Variants in COX10 observed in about 807,000 individuals in gnomAD.
COX10 encodes cytochrome c oxidase assembly factor heme A:farnesyltransferase COX10.
In COX10, 27 loss-of-function variants were observed where a neutral mutation model predicts 37.3. The ratio of observed to expected loss-of-function variants is 0.72; its 90% CI spans 0.53 to 1.00. The LOEUF (loss-of-function observed/expected upper bound fraction) is 1.00. Ranked by LOEUF, COX10 falls within the 50% of genes least tolerant of loss-of-function variation. COX10 has a pLI of 0.00. For missense variants in COX10, 475 were observed against 563.2 expected (o/e 0.84, Z 1.59); for synonymous variants, 222 against 229.1 (o/e 0.97, Z 0.28).
intron 3 of COX10, among the ~76,000 whole-genome samples, chr17:14,097,176 A>G (rs546029586): frequency 1.3e-5 from 2 of 152,316 alleles, no homozygotes; most frequent in East Asian, 3.9e-4. Context: ...ATCAATGGAA[A>G]GTTTAATTAC....
rs1904545229 is a variant in COX10, at chr17:14,141,583, T to C, written c.625-18294T>C. 4.3e-5 allele frequency among the ~76,000 whole-genome samples: 6 copies of C among 139,368 alleles called. No individual in the cohort carries two copies. The South Asian group carries it at 1.4e-3, about 32-fold the overall frequency. 91.4% of individuals were successfully genotyped at this position (139,368 alleles called of 152,430 possible). A position where few individuals can be genotyped will look rare whatever the true frequency, so the allele number is the denominator to read the frequency against. Reference sequence around the variant, plus strand: ...GACTACCTTTTATAAGAATTAGGAGTATTTCAGTCTATTCTCATTGTGGAA... The same window carrying C: ...GACTACCTTTTATAAGAATTAGGAGCATTTCAGTCTATTCTCATTGTGGAA... On this transcript the variant is annotated intron_variant, in intron 4 of 6. Coordinates refer to ENST00000261643, the MANE Select transcript of COX10 (RefSeq NM_001303.4).
intron 6 of COX10, among the ~76,000 whole-genome samples, chr17:14,196,978 A>G (rs1567612995): frequency 6.6e-6 from 1 of 152,194 alleles, no homozygotes; most frequent in Non-Finnish European, 1.5e-5. Flanking sequence ...GAGCCAAGAC[A>G]TCAAATACCC....
At chr17:14,159,785 A>C in intron 4 of COX10, 92 bp from the exon 5 acceptor site, 1 of 917,880 alleles carries the variant, frequency 1.1e-6, no homozygotes, top group East Asian at 2.6e-5. Context: ...ATTAAAATGA[A>C]GTTTACTACA....
intron 4 of COX10, among the ~76,000 whole-genome samples, chr17:14,136,226 C>G (rs1412212414): frequency 6.6e-6 from 1 of 151,880 alleles, no homozygotes; most frequent in Non-Finnish European, 1.5e-5. Flanking sequence ...TCCATCAAAA[C>G]TGGTTTCAAT....
chr17:14,185,747 C>T (rs1262184819), intron 5 of COX10, among the ~76,000 whole-genome samples: 24 of 88,944 alleles, frequency 2.7e-4, no homozygotes, highest in African/African-American at 5.9e-4. Flanking sequence ...CTCTAGTTAC[C>T]CCTTTATTTA....
At chr17:14,154,477 CA>C (rs1215829793) in intron 4 of COX10, among the ~76,000 whole-genome samples, 1 of 152,158 alleles carries the variant, frequency 6.6e-6, no homozygotes, top group African/African-American at 2.4e-5. Context: ...TATGAATTCA[CA>C]TAAATTGCAA....
chr17:14,120,902 G>A (rs941276810), intron 4 of COX10, among the ~76,000 whole-genome samples: 8 of 152,228 alleles, frequency 5.3e-5, no homozygotes, highest in African/African-American at 1.9e-4. Context: ...ATTATGATGT[G>A]GAGAACCTGC....
intron 4 of COX10, among the ~76,000 whole-genome samples, chr17:14,121,229 T>C (rs1372798620): frequency 6.6e-6 from 1 of 152,232 alleles, no homozygotes; most frequent in Non-Finnish European, 1.5e-5. Flanking sequence ...ATCTGAATTT[T>C]GTGAGTAGGA....
intron 6 of COX10, among the ~76,000 whole-genome samples, chr17:14,197,826 C>G (rs1350159971): frequency 6.6e-6 from 1 of 152,212 alleles, no homozygotes; most frequent in African/African-American, 2.4e-5. Flanking sequence ...GTAGTCAGGA[C>G]TCTGCGGCCC....
intron 1 of COX10, among the ~76,000 whole-genome samples, chr17:14,073,234 A>G (rs1915068412): frequency 6.6e-6 from 1 of 152,200 alleles, no homozygotes; most frequent in East Asian, 1.9e-4. Flanking sequence ...CCATAGTCCA[A>G]ATGTAAGATG....
chr17:14,191,966 C>T (rs752228649), intron 5 of COX10, 23 bp from the exon 6 acceptor site: 1 of 1,612,396 alleles, frequency 6.2e-7, no homozygotes, highest in South Asian at 1.1e-5. Context: ...ATGATCACTC[C>T]AGGTTCTCTG....
At chr17:14,167,202 G>T (rs928122985) in intron 5 of COX10, among the ~76,000 whole-genome samples, 13 of 152,160 alleles carry the variant, frequency 8.5e-5, no homozygotes, top group Admixed American at 7.9e-4. Context: ...ATTAGAAACA[G>T]ACCCTAAAGA....
At chr17:14,145,350 A>G (rs1369530867) in intron 4 of COX10, among the ~76,000 whole-genome samples, 5 of 152,166 alleles carry the variant, frequency 3.3e-5, no homozygotes, top group African/African-American at 1.2e-4. Flanking sequence ...GTCTTTTTCC[A>G]GCATAGCTCC....
intron 4 of COX10, among the ~76,000 whole-genome samples, chr17:14,121,615 T>C (rs1916231846): frequency 6.6e-6 from 1 of 152,210 alleles, no homozygotes; most frequent in African/African-American, 2.4e-5. Context: ...TAATAGTATC[T>C]ACCTGCATCA....
rs1353233255 is a variant in COX10, at chr17:14,175,076, G to C, written c.695+15129G>C. ...CAGAAGTAAGATCAGTGGTTACTGG[G>C]AAATAGCGGGGGGGGGGGGGGTGGA... On this transcript the variant is annotated intron_variant, in intron 5 of 6. Transcript: ENST00000261643. Among the ~76,000 whole-genome samples, 2 of 27,072 alleles carry C rather than the reference G, an allele frequency of 7.4e-5. 1 individual carries two copies. Among genetic ancestry groups the C allele is most frequent in the Non-Finnish European group, 1.8e-4 (2 of 11,366 alleles). 17.8% of individuals were successfully genotyped at this position (27,072 alleles called of 152,430 possible).
intron 5 of COX10, among the ~76,000 whole-genome samples, chr17:14,191,600 T>G (rs943010366): frequency 6.6e-6 from 1 of 152,210 alleles, no homozygotes; most frequent in Non-Finnish European, 1.5e-5. Context: ...AATGGAACAC[T>G]GTGCAGGAGG....
intron 6 of COX10, among the ~76,000 whole-genome samples, chr17:14,196,211 C>G (rs770855570): frequency 3.3e-5 from 5 of 152,128 alleles, no homozygotes; most frequent in Non-Finnish European, 7.3e-5. Flanking sequence ...TGCCAGGCAT[C>G]GAGAGACACA....
chr17:14,189,303 T>G (rs1906131195), intron 5 of COX10, among the ~76,000 whole-genome samples: 1 of 152,178 alleles, frequency 6.6e-6, no homozygotes. Flanking sequence ...TAACCATTGG[T>G]CCACTTAAAT....
chr17:14,119,722 C>T (rs929313012), intron 4 of COX10, among the ~76,000 whole-genome samples: 9 of 152,070 alleles, frequency 5.9e-5, no homozygotes, highest in East Asian at 1.9e-4. Context: ...CAAGAGGAAG[C>T]GTGGTTTAGA....
Sources: gnomAD v4.1 joint callset for allele counts (sites outside exome capture counted in the v4.1 genomes callset) on GRCh38, gnomAD v4.1.1 for gene constraint, MANE v1.5 for transcripts, NCBI Gene and HGNC (gene_info 2026-07-23, HGNC 2026-07-21) for gene names.